Variants in RBM39 observed in about 807,000 individuals in gnomAD.
RBM39 encodes the protein RNA binding motif protein 39, also known as RNA-binding protein 39.
In RBM39, 12 loss-of-function variants were observed where a neutral mutation model predicts 79.6. The observed-to-expected ratio is 0.15, with a 90% confidence interval of 0.10 to 0.24. The LOEUF (loss-of-function observed/expected upper bound fraction) is 0.24, where lower values mean the gene tolerates loss of function less well. Ranked by LOEUF, RBM39 falls within the 10% of genes least tolerant of loss-of-function variation. The probability of loss-of-function intolerance (pLI) is 1.00; values close to 1 mark genes in which losing one functional copy is unlikely to be tolerated. For synonymous variants in RBM39, 185 were observed against 208.4 expected (o/e 0.89, Z 0.97); for missense variants, 243 against 653.4 (o/e 0.37, Z 6.85).
chr20:35,705,206 TA>T lies in RBM39; in HGVS notation c.1413+18del. On this transcript the variant is annotated intron_variant, in intron 15 of 16. Coordinates refer to ENST00000253363, the MANE Select transcript of RBM39 (RefSeq NM_184234.3). ...GAGACGAACAACCTAACATCATTTA[TA>T]AAAAAAGATGAAAATACCTGAGCTG... The T allele has an allele frequency of 4.3e-6, 6 of 1,411,626 alleles. No homozygotes were observed. Among genetic ancestry groups the T allele is most frequent in the East Asian group, 2.4e-5 (1 of 42,444 alleles). 87.4% of individuals were successfully genotyped at this position (1,411,626 alleles called of 1,614,324 possible). A position where few individuals can be genotyped will look rare whatever the true frequency, so the allele number is the denominator to read the frequency against.
intron 3 of RBM39, among the ~76,000 whole-genome samples, chr20:35,738,203 G>A (rs2040176363): frequency 6.6e-6 from 1 of 151,948 alleles, no homozygotes; most frequent in African/African-American, 2.4e-5. Context: ...AGGAGGCGGA[G>A]GTTGCAGTGA....
At position 35,740,662 on chromosome 20, in the gene RBM39, T is replaced by TAGC; in HGVS notation, c.51+161_51+162insGCT. On this transcript the variant is annotated intron_variant, in intron 2 of 16. Coordinates refer to ENST00000253363, the MANE Select transcript of RBM39 (RefSeq NM_184234.3). ...AAGTGAAACTACTGCACAATATTATTACATCAATAGCATATATTTACTTTT... is the reference window on the plus strand; with the variant it reads ...AAGTGAAACTACTGCACAATATTATTAGCACATCAATAGCATATATTTACTTTT... 1.5e-6 allele frequency: 2 copies of TAGC among 1,302,084 alleles called. 1 individual carries two copies. The highest frequency in any genetic ancestry group is 4.0e-5 in the Admixed American group (2 of 50,164). The allele number at this position is 1,302,084 out of a possible 1,614,324, so 80.7% of individuals were successfully genotyped here. A position where few individuals can be genotyped will look rare whatever the true frequency, so the allele number is the denominator to read the frequency against.
chr20:35,738,151 A>G (rs932852848), intron 3 of RBM39, among the ~76,000 whole-genome samples: 1 of 140,960 alleles, frequency 7.1e-6, no homozygotes, highest in Admixed American at 6.9e-5. Context: ...GCCAGACTCC[A>G]TGTCAAAGAA....
intron 9 of RBM39, among the ~76,000 whole-genome samples, chr20:35,718,586 C>A (rs4911517): frequency 2.0e-5 from 3 of 151,526 alleles, no homozygotes; most frequent in Non-Finnish European, 1.5e-5. Flanking sequence ...CCGAGGAGGG[C>A]GAATCACCAG....
At chr20:35,713,256 G>A (rs1055270767) in intron 11 of RBM39, 160 bp from the exon 12 acceptor site, 9 of 543,420 alleles carry the variant, frequency 1.7e-5, no homozygotes, top group African/African-American at 1.5e-4. Context: ...GGAGGCCAAG[G>A]GAGGTGGTTC....
At chr20:35,737,174 G>A (rs191334377) in intron 3 of RBM39, among the ~76,000 whole-genome samples, 33 of 149,334 alleles carry the variant, frequency 2.2e-4, no homozygotes, top group Middle Eastern at 7.4e-3. Flanking sequence ...GGTGGATCAC[G>A]AGGTCAGGAG....
intron 9 of RBM39, among the ~76,000 whole-genome samples, chr20:35,720,427 T>C (rs1317828157): frequency 2.0e-5 from 3 of 152,048 alleles, no homozygotes; most frequent in African/African-American, 4.8e-5. Context: ...CATTTCTCCA[T>C]ATAGCACATA....
At position 35,703,074 on chromosome 20, in the gene RBM39, G is replaced by A. The variant is rs1398523680; in HGVS notation, c.*1407C>T. On this transcript the variant is annotated 3_prime_UTR_variant, in exon 17 of 17. Transcript: ENST00000253363. ...AAAAAAGTTGAACAAATGAGGTAAG[G>A]AACTCAGTATTTGAAGATAAGCTAG... 6.6e-6 allele frequency: 1 copy of A among 152,040 alleles called. No homozygotes were observed. The highest frequency in any genetic ancestry group is 1.5e-5 in the Non-Finnish European group (1 of 68,010). 9.4% of individuals were successfully genotyped at this position (152,040 alleles called of 1,614,324 possible). A position where few individuals can be genotyped will look rare whatever the true frequency, so the allele number is the denominator to read the frequency against.
chr20:35,713,970 T>C, intron 11 of RBM39: 2 of 525,488 alleles, frequency 3.8e-6, no homozygotes, highest in Non-Finnish European at 6.7e-6. Flanking sequence ...AAAAGAAATC[T>C]TGCAACTTAT....
intron 13 of RBM39, 61 bp from the exon 14 acceptor site, chr20:35,707,262 T>A: frequency 7.9e-7 from 1 of 1,273,324 alleles, no homozygotes. Flanking sequence ...CCCTCATAAA[T>A]ACTTTAAAAC....
chr20:35,733,079 G>A (rs1396638806), intron 3 of RBM39, among the ~76,000 whole-genome samples: 1 of 152,186 alleles, frequency 6.6e-6, no homozygotes, highest in Non-Finnish European at 1.5e-5. Context: ...GAGGCAGGCA[G>A]ATCACTTGAG....
Position 35,724,544 on chromosome 20 carries a change from AAACTCTTAACCAAC to A in RBM39, c.687+12_687+25del. 1 of 1,610,476 alleles carries A rather than the reference AAACTCTTAACCAAC, an allele frequency of 6.2e-7. No homozygotes were observed. Among genetic ancestry groups the A allele is most frequent in the Non-Finnish European group, 8.5e-7 (1 of 1,177,524 alleles). The stretch of plus-strand genomic sequence containing the variant: ...GAGGCTTTCAACACCACCAATAATC[AAACTCTTAACCAAC>A]AAAAAAATTACCTGTGATGCCTGTA... On this transcript the variant is annotated intron_variant, in intron 8 of 16. Coordinates refer to ENST00000253363, the MANE Select transcript of RBM39 (RefSeq NM_184234.3).
intron 4 of RBM39, among the ~76,000 whole-genome samples, chr20:35,730,631 A>G (rs1434272811): frequency 6.6e-6 from 1 of 152,088 alleles, no homozygotes; most frequent in Middle Eastern, 3.2e-3. Context: ...GTAATTTTTT[A>G]TTAAAGTTAA....
chr20:35,710,092 CCA>C (rs1297347712), intron 12 of RBM39, among the ~76,000 whole-genome samples: 2 of 152,124 alleles, frequency 1.3e-5, no homozygotes, highest in Non-Finnish European at 2.9e-5. Flanking sequence ...AGTAAGTCTG[CCA>C]CAGTGCTATA....
chr20:35,706,394 C>A (rs2035730348), intron 14 of RBM39, among the ~76,000 whole-genome samples: 1 of 152,116 alleles, frequency 6.6e-6, no homozygotes, highest in African/African-American at 2.4e-5. Flanking sequence ...AAGTTTATCA[C>A]CATTTCATAG....
At chr20:35,716,681 A>G in intron 10 of RBM39, 59 bp downstream of exon 10, 4 of 1,061,758 alleles carry the variant, frequency 3.8e-6, no homozygotes, top group Non-Finnish European at 5.6e-6. Flanking sequence ...TGAGCAACAC[A>G]GCAAATGTAG....
intron 6 of RBM39, among the ~76,000 whole-genome samples, chr20:35,728,875 C>T (rs2039051604): frequency 6.6e-6 from 1 of 151,752 alleles, no homozygotes; most frequent in South Asian, 2.1e-4. Flanking sequence ...GTCCGGAGCT[C>T]AACACTAGGC....
chr20:35,716,233 T>C (rs2037111149), intron 10 of RBM39, among the ~76,000 whole-genome samples: 1 of 152,012 alleles, frequency 6.6e-6, no homozygotes, highest in Non-Finnish European at 1.5e-5. Context: ...ACCACCATGC[T>C]TGGCTAATTT....
chr20:35,738,625 T>G (rs996703516), intron 3 of RBM39, among the ~76,000 whole-genome samples: 10 of 152,218 alleles, frequency 6.6e-5, no homozygotes, highest in Admixed American at 6.5e-5. Context: ...TTTCTACCTT[T>G]TAAGATCAAT....
Sources: gnomAD v4.1 joint callset for allele counts (sites outside exome capture counted in the v4.1 genomes callset) on GRCh38, gnomAD v4.1.1 for gene constraint, MANE v1.5 for transcripts, NCBI Gene and HGNC (gene_info 2026-07-23, HGNC 2026-07-21) for gene names.